Variants in SDCBP2 observed in about 807,000 individuals in gnomAD.
The protein encoded by SDCBP2 is syntenin-2.
Under a neutral mutation model 30.7 loss-of-function variants are expected in SDCBP2, and 28 were observed. The ratio of observed to expected loss-of-function variants is 0.91; its 90% CI spans 0.68 to 1.25. The LOEUF (loss-of-function observed/expected upper bound fraction) is 1.25. SDCBP2 is among the 50% of genes most tolerant of loss of function. The pLI is 0.00. For synonymous variants in SDCBP2, 166 were observed against 157.3 expected, an observed-to-expected ratio of 1.06 and a Z score of -0.41; for missense variants, 399 against 379.0, an observed-to-expected ratio of 1.05 and a Z score of -0.44.
chr20:1,313,358 C>A lies in SDCBP2; in HGVS notation c.366G>T (p.Arg122Ser). 5.0e-6 allele frequency: 8 copies of A among 1,611,740 alleles called. No individual in the cohort carries two copies. The highest frequency in any genetic ancestry group is 6.8e-6 in the Non-Finnish European group (8 of 1,179,638). Reference protein sequence around the residue: ...CKDERGKTGLRLRKVDQGLFV... With the variant: ...CKDERGKTGLSLRKVDQGLFV... The stretch of plus-strand genomic sequence containing the variant: ...GCCCTACCTGGTCGACCTTCCGCAG[C>A]CTCAGCCCGGTCTTGCCGCGCTCGT... The change falls in exon 5 of 9, where the codon AGG becomes AGT. Residue 122 changes from arginine to serine, a missense_variant. Transcript: ENST00000360779. The surrounding 1 kb of genome is among the most constrained non-coding windows in gnomAD (Gnocchi z 5.2).
At position 1,324,929 on chromosome 20, in the gene SDCBP2, C is replaced by A. The variant is rs1344185952; in HGVS notation, c.-20+4156G>T. On this transcript the variant is annotated intron_variant, in intron 1 of 8. Coordinates refer to ENST00000360779, the MANE Select transcript of SDCBP2 (RefSeq NM_080489.5). The surrounding 1 kb of genome is among the most constrained non-coding windows in gnomAD (Gnocchi z 4.7). ...GGGTGTAAGCCAGCCTCAGCTTTTA[C>A]AAAGTGAAATGCATATTCTTTTATT... Among the ~76,000 whole-genome samples, 7 of 152,184 alleles carry A rather than the reference C, an allele frequency of 4.6e-5. No individual in the cohort carries two copies. Among genetic ancestry groups the A allele is most frequent in the Non-Finnish European group, 7.3e-5 (5 of 68,028 alleles).
In SDCBP2 at chr20:1,313,504, G is replaced by A; in HGVS notation, c.226-6C>T. The stretch of plus-strand genomic sequence containing the variant: ...CCGGGGCCCGAGACCGCTGTCTGCA[G>A]ACACCAGGGGGCAGGGGGTCAGCCC... On this transcript the variant is annotated splice_region_variant and splice_polypyrimidine_tract_variant and intron_variant, in intron 4 of 8. Transcript: ENST00000360779. The surrounding 1 kb of genome is among the most constrained non-coding windows in gnomAD (Gnocchi z 5.2). The A allele has an allele frequency of 6.3e-7, 1 of 1,579,732 alleles. No homozygotes were observed. Among genetic ancestry groups the A allele is most frequent in the Non-Finnish European group, 8.6e-7 (1 of 1,167,438 alleles).
At chr20:1,312,993 C>T (rs1231710901) in intron 5 of SDCBP2, 13 of 596,646 alleles carry the variant, frequency 2.2e-5, no homozygotes, top group East Asian at 8.4e-5. Flanking sequence ...GGCTGCACTC[C>T]GAAACACTCC....
chr20:1,316,713 C>A (rs1483688867), intron 4 of SDCBP2, among the ~76,000 whole-genome samples: 1 of 152,148 alleles, frequency 6.6e-6, no homozygotes, highest in Non-Finnish European at 1.5e-5. Context: ...AAAACTTAAA[C>A]ATACATTTGT....
intron 7 of SDCBP2, among the ~76,000 whole-genome samples, chr20:1,311,284 G>A (rs4814102): frequency 0.89 from 134,804 of 151,990 alleles, 60,440 homozygotes; most frequent in East Asian, 1. Flanking sequence ...AAGCATAAAT[G>A]CCTCCCCATC....
intron 7 of SDCBP2, chr20:1,311,146 C>G: frequency 2.3e-6 from 1 of 429,868 alleles, no homozygotes; most frequent in Non-Finnish European, 4.2e-6. Context: ...CCTCTTCCCA[C>G]CCTCAGCTTG....
At chr20:1,319,526 T>G in intron 3 of SDCBP2, 64 bp downstream of exon 3, 1 of 1,499,320 alleles carries the variant, frequency 6.7e-7, no homozygotes, top group Non-Finnish European at 9.1e-7. Flanking sequence ...TTGCCAAGCT[T>G]CCCTGATGAT....
Position 1,324,692 on chromosome 20 carries a change from A to T in SDCBP2, c.-19-4257T>A, listed in dbSNP as rs577042208. Among the ~76,000 whole-genome samples the T allele has an allele frequency of 1.4e-3, 220 of 152,286 alleles. No individual in the cohort carries two copies. The highest frequency in any genetic ancestry group is 5.0e-3 in the African/African-American group (209 of 41,558). On this transcript the variant is annotated intron_variant, in intron 1 of 8. Coordinates refer to ENST00000360779, the MANE Select transcript of SDCBP2 (RefSeq NM_080489.5). This position sits in a 1 kb window ranked among gnomAD's most constrained non-coding sequence, Gnocchi z 4.7. ...TACACTTTGCTCACCATTCTGGAAAATCGCTGCCCACCCTGCTCCCCACGG... is the reference window on the plus strand; with the variant it reads ...TACACTTTGCTCACCATTCTGGAAATTCGCTGCCCACCCTGCTCCCCACGG...
chr20:1,312,173 C>T (rs2088682332), intron 7 of SDCBP2, among the ~76,000 whole-genome samples, 164 bp downstream of exon 7: 1 of 152,106 alleles, frequency 6.6e-6, no homozygotes, highest in Non-Finnish European at 1.5e-5. Context: ...ACTGGGATTA[C>T]AGACGTGAGT....
intron 1 of SDCBP2, among the ~76,000 whole-genome samples, chr20:1,327,798 A>G (rs1160750484): frequency 6.6e-6 from 1 of 152,282 alleles, no homozygotes; most frequent in Non-Finnish European, 1.5e-5. Context: ...CATAATAGGC[A>G]TTCAGTAAAA....
In SDCBP2 at chr20:1,313,238, T is replaced by C; in HGVS notation, c.384+102A>G. 7.8e-7 allele frequency: 1 copy of C among 1,275,880 alleles called. No homozygotes were observed. The highest frequency in any genetic ancestry group is 1.1e-6 in the Non-Finnish European group (1 of 911,810). The allele number at this position is 1,275,880 out of a possible 1,614,324, so 79.0% of individuals were successfully genotyped here. On this transcript the variant is annotated intron_variant, in intron 5 of 8. Transcript: ENST00000360779. The surrounding 1 kb of genome is among the most constrained non-coding windows in gnomAD (Gnocchi z 5.2). ...TGGCCGCTGGGGTTAGGAGGCCCGCTCTGCACCTTCCTTACTGTGGACGGG... is the reference window on the plus strand; with the variant it reads ...TGGCCGCTGGGGTTAGGAGGCCCGCCCTGCACCTTCCTTACTGTGGACGGG...
Position 1,320,224 on chromosome 20 carries a change from C to T in SDCBP2, c.54+139G>A, listed in dbSNP as rs1317994636. 4.1e-6 allele frequency: 3 copies of T among 725,070 alleles called. No homozygotes were observed. The highest frequency in any genetic ancestry group is 3.5e-5 in the African/African-American group (2 of 56,616). 44.9% of individuals were successfully genotyped at this position (725,070 alleles called of 1,614,324 possible). A position where few individuals can be genotyped will look rare whatever the true frequency, so the allele number is the denominator to read the frequency against. ...CATTGCCCCCTGGATGTCTTCTCTG[C>T]CCAGCAGGCCCTGCAGTGGACACCT... On this transcript the variant is annotated intron_variant, in intron 2 of 8. Coordinates refer to ENST00000360779, the MANE Select transcript of SDCBP2 (RefSeq NM_080489.5). This position sits in a 1 kb window ranked among gnomAD's most constrained non-coding sequence, Gnocchi z 4.7.
chr20:1,319,696 A>G (rs926920148), intron 2 of SDCBP2, 37 bp from the exon 3 acceptor site: 2 of 1,490,208 alleles, frequency 1.3e-6, no homozygotes, highest in Non-Finnish European at 1.8e-6. Flanking sequence ...AGCTGTGGCC[A>G]GGACCCCAGG....
Position 1,310,411 on chromosome 20 carries a change from C to G in SDCBP2, c.*30G>C, listed in dbSNP as rs368562659. ...CCTTTGCTGCAGGAGGGCGGGAAGCCCCCCCTGCCTGCCCTGCCCTGCAGT... is the reference window on the plus strand; with the variant it reads ...CCTTTGCTGCAGGAGGGCGGGAAGCGCCCCCTGCCTGCCCTGCCCTGCAGT... On this transcript the variant is annotated 3_prime_UTR_variant, in exon 9 of 9. Coordinates refer to ENST00000360779, the MANE Select transcript of SDCBP2 (RefSeq NM_080489.5). 3.1e-6 allele frequency: 5 copies of G among 1,610,826 alleles called. No homozygotes were observed. The highest frequency in any genetic ancestry group is 1.3e-5 in the African/African-American group (1 of 74,948).
intron 7 of SDCBP2, 73 bp downstream of exon 7, chr20:1,312,264 G>A (rs532687401): frequency 1.4e-6 from 2 of 1,475,766 alleles, no homozygotes; most frequent in East Asian, 4.8e-5. Flanking sequence ...CTCAGGTGGG[G>A]TAAGCAAGCT....
intron 1 of SDCBP2, among the ~76,000 whole-genome samples, chr20:1,328,062 G>T (rs4814135): frequency 3.5e-4 from 54 of 152,306 alleles, no homozygotes; most frequent in African/African-American, 1.3e-3. Context: ...GGTGACATTT[G>T]AGGAAAGGCC....
rs781708726 is a variant in SDCBP2, at chr20:1,320,424, T to G, written c.-8A>C. The stretch of plus-strand genomic sequence containing the variant: ...TGGGTACAGGGATGACATGGCTGAT[T>G]CTCAGAACACCCTGCAGAGTGCAGA... On this transcript the variant is annotated 5_prime_UTR_variant, in exon 2 of 9. Coordinates refer to ENST00000360779, the MANE Select transcript of SDCBP2 (RefSeq NM_080489.5). The surrounding 1 kb of genome is among the most constrained non-coding windows in gnomAD (Gnocchi z 4.7). 6.2e-7 allele frequency: 1 copy of G among 1,613,578 alleles called. No individual in the cohort carries two copies. Among genetic ancestry groups the G allele is most frequent in the Admixed American group, 1.7e-5 (1 of 59,970 alleles).
chr20:1,310,659 G>A, intron 8 of SDCBP2, 141 bp downstream of exon 8: 1 of 1,005,376 alleles, frequency 9.9e-7, no homozygotes, highest in Non-Finnish European at 1.5e-6. Flanking sequence ...GAGGGGAAGG[G>A]AGGATAGAGC....
chr20:1,328,292 T>C (rs1234417449), intron 1 of SDCBP2, among the ~76,000 whole-genome samples: 1 of 152,086 alleles, frequency 6.6e-6, no homozygotes, highest in Non-Finnish European at 1.5e-5. Context: ...CTGGGGGATT[T>C]GTAGCAGCAG....
Sources: gnomAD v4.1 joint callset for allele counts (sites outside exome capture counted in the v4.1 genomes callset) on GRCh38, gnomAD v4.1.1 for gene constraint, Gnocchi (gnomAD v3.1) non-coding constraint, MANE v1.5 for transcripts, NCBI Gene and HGNC (gene_info 2026-07-23, HGNC 2026-07-21) for gene names.